Variants in FRYL observed in about 807,000 individuals in gnomAD.
FRYL encodes protein furry homolog-like.
Under a neutral mutation model 351.2 loss-of-function variants are expected in FRYL, and 150 were observed. That is an observed-to-expected ratio of 0.43 (90% CI 0.37 to 0.49). FRYL has a LOEUF of 0.49. Ranked by LOEUF, FRYL falls within the 20% of genes least tolerant of loss-of-function variation. FRYL has a pLI of 0.00. For missense variants in FRYL, 3,036 were observed against 3,619.3 expected (o/e 0.84, Z 4.13); for synonymous variants, 1,153 against 1,257.1 (o/e 0.92, Z 1.75).
chr4:48,675,861 C>G (rs950201664), intron 3 of FRYL, among the ~76,000 whole-genome samples: 7 of 152,180 alleles, frequency 4.6e-5, no homozygotes, highest in African/African-American at 1.7e-4. Context: ...TGTAAATACA[C>G]CAATCAGCAC....
Position 48,679,729 on chromosome 4 carries a change from T to C in FRYL, c.-81+4944A>G, listed in dbSNP as rs529778634. On this transcript the variant is annotated intron_variant, in intron 3 of 63. Coordinates refer to ENST00000358350, the MANE Select transcript of FRYL (RefSeq NM_015030.2). The stretch of plus-strand genomic sequence containing the variant: ...TGATAAATGTCTGAGATGATAGATA[T>C]GCTAATAACTCTGGTAAGATCACTA... Among the ~76,000 whole-genome samples, 5 of 152,168 alleles carry C rather than the reference T, an allele frequency of 3.3e-5. No individual in the cohort carries two copies. The East Asian group carries it at 7.7e-4, about 24-fold the overall frequency.
chr4:48,709,078 G>A (rs1197294449), intron 2 of FRYL, among the ~76,000 whole-genome samples: 12 of 151,822 alleles, frequency 7.9e-5, no homozygotes, highest in Non-Finnish European at 1.6e-4. Context: ...CCGCCACCAC[G>A]CCTGGCTAAT....
At chr4:48,584,213 G>T (rs1032892332) in intron 19 of FRYL, among the ~76,000 whole-genome samples, 22 of 152,214 alleles carry the variant, frequency 1.4e-4, no homozygotes, top group African/African-American at 5.3e-4. Context: ...AAAGACAAAT[G>T]TATCAGAGTT....
intron 27 of FRYL, 86 bp downstream of exon 27, chr4:48,570,741 T>A: frequency 1.0e-6 from 1 of 963,998 alleles, no homozygotes; most frequent in Non-Finnish European, 1.6e-6. Context: ...ATGGTGCTTT[T>A]CTGTTTTTAT....
chr4:48,557,180 G>T, intron 34 of FRYL, 62 bp from the exon 35 acceptor site: 1 of 1,518,834 alleles, frequency 6.6e-7, no homozygotes, highest in Non-Finnish European at 8.9e-7. Context: ...AACCAAACTT[G>T]TCATACCATG....
chr4:48,683,089 A>G (rs1341436272), intron 3 of FRYL, among the ~76,000 whole-genome samples: 1 of 152,236 alleles, frequency 6.6e-6, no homozygotes, highest in Non-Finnish European at 1.5e-5. Context: ...CTATGCAGCC[A>G]TAAAAAAGAA....
intron 1 of FRYL, among the ~76,000 whole-genome samples, chr4:48,744,065 GTAAT>G (rs1772408307): frequency 6.6e-6 from 1 of 152,096 alleles, no homozygotes. Context: ...ATGAATTTCT[GTAAT>G]TAATAGGTCA....
rs71191256 is a variant in FRYL at position 48,742,973 on chromosome 4, A to ATTTTTTTTTTTTTTTTTT, written c.-383-32293_-383-32276dup. Among the ~76,000 whole-genome samples the ATTTTTTTTTTTTTTTTTT allele has an allele frequency of 1.7e-4, 14 of 81,742 alleles. 2 individuals carry two copies. Among genetic ancestry groups the ATTTTTTTTTTTTTTTTTT allele is most frequent in the East Asian group, 4.5e-4 (1 of 2,242 alleles). The allele number at this position is 81,742 out of a possible 152,430, so 53.6% of individuals were successfully genotyped here. Reference sequence around the variant, plus strand: ...AGGTGTGCGCCACCACGCCTGGATAATTTTTTTTTTTTTTTTTTTTTTTTT... The same window carrying ATTTTTTTTTTTTTTTTTT: ...AGGTGTGCGCCACCACGCCTGGATAATTTTTTTTTTTTTTTTTTTTTTTTTTTTTTTTTTTTTTTTTTT... On this transcript the variant is annotated intron_variant, in intron 1 of 63. Transcript: ENST00000358350.
intron 3 of FRYL, among the ~76,000 whole-genome samples, chr4:48,674,792 CT>C (rs1210696107): frequency 1.3e-5 from 2 of 148,558 alleles, no homozygotes; most frequent in African/African-American, 2.5e-5. Context: ...AGTAGAAGCC[CT>C]TTGCTGTAAC....
chr4:48,752,890 C>G (rs1010757390), intron 1 of FRYL, among the ~76,000 whole-genome samples: 2 of 152,140 alleles, frequency 1.3e-5, no homozygotes, highest in African/African-American at 4.8e-5. Flanking sequence ...ATGCTGGGAG[C>G]TGCAGCAGCT....
At chr4:48,717,296 T>C (rs571600652) in intron 1 of FRYL, among the ~76,000 whole-genome samples, 1 of 151,128 alleles carries the variant, frequency 6.6e-6, no homozygotes, top group Admixed American at 6.6e-5. Flanking sequence ...AAAAAAACAT[T>C]ATGCTAACTG....
intron 16 of FRYL, among the ~76,000 whole-genome samples, chr4:48,591,477 C>A (rs535161619): frequency 2.0e-5 from 3 of 152,280 alleles, no homozygotes; most frequent in Admixed American, 6.5e-5. Flanking sequence ...TCATCAGTTA[C>A]CATATTGCTC....
rs755710122 is a variant in FRYL at position 48,623,133 on chromosome 4, A to G, written c.167T>C (p.Phe56Ser). The G allele has an allele frequency of 1.9e-6, 3 of 1,583,456 alleles. No individual in the cohort carries two copies. The highest frequency in any genetic ancestry group is 2.6e-6 in the Non-Finnish European group (3 of 1,164,692). Residue 56 changes from phenylalanine (F) to serine (S), a missense_variant, in exon 5 of 64, where the codon TTT becomes TCT. Phe to Ser is a radical substitution (Grantham distance 155). Transcript: ENST00000358350. Reference sequence around the variant, plus strand: ...CTCCCAAAATTGTCATACCTGATCAAACTGAAGATCTTCACCCCTCTGAAG... The same window carrying G: ...CTCCCAAAATTGTCATACCTGATCAGACTGAAGATCTTCACCCCTCTGAAG... ...RSLQRGEDLQ[F>S]DQLISSMSSV...
intron 3 of FRYL, among the ~76,000 whole-genome samples, chr4:48,670,505 G>C (rs914815427): frequency 1.3e-5 from 2 of 150,986 alleles, no homozygotes; most frequent in Non-Finnish European, 2.9e-5. Context: ...ACCCTGCTGT[G>C]CTAGCAAATA....
At chr4:48,569,392 C>T (rs1427868986) in intron 27 of FRYL, among the ~76,000 whole-genome samples, 2 of 152,126 alleles carry the variant, frequency 1.3e-5, no homozygotes, top group Non-Finnish European at 2.9e-5. Flanking sequence ...CAGCAACCTC[C>T]ACCTCCTGGG....
chr4:48,754,699 A>C (rs1395940307), intron 1 of FRYL, among the ~76,000 whole-genome samples: 4 of 136,352 alleles, frequency 2.9e-5, no homozygotes, highest in African/African-American at 5.6e-5. Flanking sequence ...TGAGAGTCTC[A>C]CTCTGTTGCC....
intron 1 of FRYL, among the ~76,000 whole-genome samples, chr4:48,753,901 T>C (rs1364153112): frequency 6.6e-6 from 1 of 152,134 alleles, no homozygotes; most frequent in East Asian, 1.9e-4. Context: ...TTTCCCCCAC[T>C]GAATTGTCTT....
At chr4:48,733,092 T>C (rs1431822044) in intron 1 of FRYL, among the ~76,000 whole-genome samples, 2 of 151,604 alleles carry the variant, frequency 1.3e-5, no homozygotes, top group East Asian at 3.9e-4. Flanking sequence ...CTGGCCAACA[T>C]GGTGAAACCC....
intron 20 of FRYL, 135 bp from the exon 21 acceptor site, chr4:48,581,740 A>G: frequency 1.5e-6 from 1 of 655,080 alleles, no homozygotes; most frequent in Non-Finnish European, 2.5e-6. Flanking sequence ...TGTAAATCGC[A>G]TGTATTTTAT....
Sources: allele counts gnomAD v4.1 joint callset (sites outside exome capture counted in the v4.1 genomes callset), GRCh38; gene constraint gnomAD v4.1.1; transcripts MANE v1.5; gene names NCBI Gene and HGNC (gene_info 2026-07-23, HGNC 2026-07-21).